The following KCMF1 variants were observed in gnomAD, a reference collection of about 807,000 sequenced individuals.
The protein encoded by KCMF1 is E3 ubiquitin-protein ligase KCMF1.
KCMF1 carries 3 observed loss-of-function variants against 41.1 expected under a neutral mutation model. The ratio of observed to expected loss-of-function variants is 0.07; its 90% CI spans 0.03 to 0.19. The LOEUF is 0.19. Among genes scored for constraint, KCMF1 ranks in the 10% least tolerant of loss-of-function variants. The probability of loss-of-function intolerance (pLI) is 1.00; values close to 1 mark genes in which losing one functional copy is unlikely to be tolerated. For missense variants in KCMF1, 286 were observed against 488.9 expected, an observed-to-expected ratio of 0.58 and a Z score of 3.91; for synonymous variants, 142 against 164.5, an observed-to-expected ratio of 0.86 and a Z score of 1.04.
chr2:85,017,688 C>G (rs1044227458), intron 1 of KCMF1, among the ~76,000 whole-genome samples: 2 of 151,976 alleles, frequency 1.3e-5, no homozygotes, highest in Non-Finnish European at 2.9e-5. Context: ...TCTTTTTTCC[C>G]TGTGTTTCTT....
Position 85,050,243 on chromosome 2 carries a change from A to G in KCMF1, c.884+595A>G, listed in dbSNP as rs529090003. Among the ~76,000 whole-genome samples the G allele has an allele frequency of 2.6e-5, 4 of 152,284 alleles. 1 individual carries two copies. The East Asian group carries it at 7.7e-4, about 29-fold the overall frequency. On this transcript the variant is annotated intron_variant, in intron 6 of 6. Coordinates refer to ENST00000409785, the MANE Select transcript of KCMF1 (RefSeq NM_020122.5). Reference sequence around the variant, plus strand: ...ACCCATAAAACTTAAACACTATATCATTATATATATATGGTTCATATTAGG... The same window carrying G: ...ACCCATAAAACTTAAACACTATATCGTTATATATATATGGTTCATATTAGG...
intron 1 of KCMF1, among the ~76,000 whole-genome samples, chr2:85,024,435 T>C (rs1675034006): frequency 6.6e-6 from 1 of 152,076 alleles, no homozygotes; most frequent in Non-Finnish European, 1.5e-5. Context: ...ATCTCACCAT[T>C]GCACTCCAGC....
chr2:84,992,300 G>A (rs1418383744), intron 1 of KCMF1, among the ~76,000 whole-genome samples: 3 of 152,134 alleles, frequency 2.0e-5, no homozygotes, highest in Non-Finnish European at 4.4e-5. Context: ...CTGTCGCCCA[G>A]GCTGGAGTAC....
At chr2:84,996,444 T>C (rs1674177611) in intron 1 of KCMF1, among the ~76,000 whole-genome samples, 1 of 148,730 alleles carries the variant, frequency 6.7e-6, no homozygotes, top group Admixed American at 6.7e-5. Flanking sequence ...TTTTTTTTTT[T>C]TTTTTTTTGA....
chr2:85,027,321 G>T (rs1459646326), intron 1 of KCMF1, among the ~76,000 whole-genome samples: 1 of 139,154 alleles, frequency 7.2e-6, no homozygotes, highest in Non-Finnish European at 1.5e-5. Context: ...CCAGTCACCA[G>T]TTCCTCTTCG....
intron 1 of KCMF1, among the ~76,000 whole-genome samples, chr2:85,008,397 T>A (rs1192837): frequency 0.01 from 194 of 19,104 alleles, no homozygotes; most frequent in Middle Eastern, 0.028. Context: ...ATGATATATA[T>A]TATATATCAT....
intron 1 of KCMF1, among the ~76,000 whole-genome samples, chr2:84,976,923 G>C (rs1200175358): frequency 6.6e-6 from 1 of 151,880 alleles, no homozygotes; most frequent in African/African-American, 2.4e-5. Flanking sequence ...ATGATGTTTT[G>C]AAATATGTAT....
intron 1 of KCMF1, among the ~76,000 whole-genome samples, chr2:84,977,581 G>A (rs1053369843): frequency 2.6e-4 from 39 of 150,900 alleles, no homozygotes; most frequent in African/African-American, 9.0e-4. Flanking sequence ...CCCCACACCC[G>A]ACTTTTTTTT....
intron 3 of KCMF1, among the ~76,000 whole-genome samples, chr2:85,040,809 G>A (rs1161931633): frequency 1.3e-5 from 2 of 149,332 alleles, no homozygotes; most frequent in East Asian, 3.9e-4. Context: ...CGCTCAGGCT[G>A]GAGTGCAGTG....
At chr2:84,973,830 T>C (rs1462698289) in intron 1 of KCMF1, among the ~76,000 whole-genome samples, 3 of 144,182 alleles carry the variant, frequency 2.1e-5, no homozygotes, top group African/African-American at 5.1e-5. Flanking sequence ...TCTTTCTTTT[T>C]TTTTTTTTTT....
At chr2:85,036,306 T>C (rs1675402049) in intron 3 of KCMF1, among the ~76,000 whole-genome samples, 1 of 152,246 alleles carries the variant, frequency 6.6e-6, no homozygotes, top group African/African-American at 2.4e-5. Context: ...TCTTAGTTTA[T>C]TCTTTTTATT....
intron 1 of KCMF1, among the ~76,000 whole-genome samples, chr2:84,991,062 T>C (rs1042071333): frequency 1.5e-4 from 23 of 152,142 alleles, no homozygotes; most frequent in African/African-American, 5.3e-4. Context: ...AGTCAGAAGA[T>C]GAAGGTGCCT....
At chr2:85,009,026 A>T (rs1042108716) in intron 1 of KCMF1, among the ~76,000 whole-genome samples, 2 of 152,022 alleles carry the variant, frequency 1.3e-5, no homozygotes, top group Non-Finnish European at 2.9e-5. Flanking sequence ...CACCATGCCC[A>T]GCCTTGATGC....
intron 1 of KCMF1, among the ~76,000 whole-genome samples, chr2:84,990,826 T>C (rs1674023881): frequency 6.6e-6 from 1 of 152,018 alleles, no homozygotes. Flanking sequence ...TTGAAGCTGC[T>C]AGGCAAAGAA....
At chr2:85,023,165 G>A (rs1332666498) in intron 1 of KCMF1, among the ~76,000 whole-genome samples, 1 of 151,770 alleles carries the variant, frequency 6.6e-6, no homozygotes, top group East Asian at 1.9e-4. Context: ...GGGATTACAG[G>A]CGTGAGCCAC....
chr2:84,984,524 A>C (rs1366923544), intron 1 of KCMF1, among the ~76,000 whole-genome samples: 1 of 151,958 alleles, frequency 6.6e-6, no homozygotes, highest in Non-Finnish European at 1.5e-5. Context: ...TTTATATTTA[A>C]AGAAGCTTAG....
chr2:85,020,265 G>T (rs971601649), intron 1 of KCMF1, among the ~76,000 whole-genome samples: 2 of 152,114 alleles, frequency 1.3e-5, no homozygotes, highest in African/African-American at 4.8e-5. Context: ...TCAGAGCTGG[G>T]TTTACCTTCC....
At chr2:85,013,821 C>G (rs1674704847) in intron 1 of KCMF1, 1 of 143,498 alleles carries the variant, frequency 7.0e-6, no homozygotes, top group Non-Finnish European at 1.5e-5. Flanking sequence ...AATGTTTAAA[C>G]AGTAGACCAA....
intron 1 of KCMF1, among the ~76,000 whole-genome samples, chr2:84,980,316 C>T (rs1673698573): frequency 6.6e-6 from 1 of 152,036 alleles, no homozygotes; most frequent in African/African-American, 2.4e-5. Context: ...GAAAGACAGG[C>T]AAGGTGGGTG....
Sources: allele counts gnomAD v4.1 joint callset (sites outside exome capture counted in the v4.1 genomes callset), GRCh38; gene constraint gnomAD v4.1.1; transcripts MANE v1.5; gene names NCBI Gene and HGNC (gene_info 2026-07-23, HGNC 2026-07-21).